Variants in ST8SIA6 observed in about 807,000 individuals in gnomAD.
The protein encoded by ST8SIA6 is alpha-2,8-sialyltransferase 8F.
ST8SIA6 carries 39 observed loss-of-function variants against 33.6 expected under a neutral mutation model. The observed-to-expected ratio is 1.16, with a 90% CI of 0.90 to 1.52. The LOEUF is 1.52. ST8SIA6 is among the 40% of genes most tolerant of loss of function. The probability of loss-of-function intolerance (pLI) is 0.00; values close to 1 mark genes in which losing one functional copy is unlikely to be tolerated. For missense variants in ST8SIA6, 441 were observed against 443.8 expected (o/e 0.99, Z 0.06); for synonymous variants, 172 against 167.2 (o/e 1.03, Z -0.22).
intron 2 of ST8SIA6, among the ~76,000 whole-genome samples, chr10:17,404,160 CAT>C (rs973308701): frequency 5.3e-5 from 8 of 151,284 alleles, no homozygotes; most frequent in South Asian, 2.1e-4. Context: ...GAAGTTTACA[CAT>C]GTGTCATCTC....
At chr10:17,394,528 G>T (rs1269349408) in intron 2 of ST8SIA6, among the ~76,000 whole-genome samples, 2 of 152,124 alleles carry the variant, frequency 1.3e-5, no homozygotes, top group Non-Finnish European at 2.9e-5. Context: ...GAGGTAGGAA[G>T]CATCTCACAC....
At chr10:17,382,637 T>A (rs947649612) in intron 3 of ST8SIA6, among the ~76,000 whole-genome samples, 25 of 152,172 alleles carry the variant, frequency 1.6e-4, no homozygotes, top group African/African-American at 6.0e-4. Flanking sequence ...GAAAAGGACA[T>A]CAAGTCCTGC....
chr10:17,333,181 C>A (rs1369639748), intron 4 of ST8SIA6, among the ~76,000 whole-genome samples: 1 of 152,034 alleles, frequency 6.6e-6, no homozygotes, highest in South Asian at 2.1e-4. Flanking sequence ...ATATAGCTTA[C>A]AAGGAATGTG....
intron 2 of ST8SIA6, among the ~76,000 whole-genome samples, chr10:17,401,029 C>A (rs1851018785): frequency 6.6e-6 from 1 of 152,136 alleles, no homozygotes; most frequent in South Asian, 2.1e-4. Context: ...ATCTAGAAAA[C>A]CCCATCGTCT....
intron 6 of ST8SIA6, 72 bp from the exon 7 acceptor site, chr10:17,323,229 G>GCACACACA (rs1554783533): frequency 2.5e-5 from 20 of 794,406 alleles, no homozygotes; most frequent in South Asian, 8.5e-5. Context: ...ACATATGCGC[G>GCACACACA]CACACACACA....
chr10:17,335,115 C>T (rs1198440338), intron 4 of ST8SIA6, among the ~76,000 whole-genome samples: 1 of 152,186 alleles, frequency 6.6e-6, no homozygotes, highest in South Asian at 2.1e-4. Context: ...GCAGAGTTTA[C>T]AGAATTTTCT....
At chr10:17,339,727 T>C (rs1043721828) in intron 4 of ST8SIA6, among the ~76,000 whole-genome samples, 1 of 152,122 alleles carries the variant, frequency 6.6e-6, no homozygotes, top group Admixed American at 6.5e-5. Context: ...ATATTTTACA[T>C]AGATTATTTC....
At chr10:17,400,754 AAATT>A (rs1281580856) in intron 2 of ST8SIA6, among the ~76,000 whole-genome samples, 1 of 152,232 alleles carries the variant, frequency 6.6e-6, no homozygotes, top group Non-Finnish European at 1.5e-5. Flanking sequence ...ATATCTCAAT[AAATT>A]AGGTATAGAT....
At chr10:17,331,069 C>A (rs1208270363) in intron 5 of ST8SIA6, among the ~76,000 whole-genome samples, 1 of 152,146 alleles carries the variant, frequency 6.6e-6, no homozygotes, top group African/African-American at 2.4e-5. Flanking sequence ...GTCACCATAA[C>A]TGACAATTGG....
At chr10:17,378,355 TG>T (rs2131640410) in intron 3 of ST8SIA6, among the ~76,000 whole-genome samples, 1 of 152,318 alleles carries the variant, frequency 6.6e-6, no homozygotes, top group East Asian at 1.9e-4. Flanking sequence ...TGAGAACTTT[TG>T]TCACTTTGGA....
intron 4 of ST8SIA6, among the ~76,000 whole-genome samples, chr10:17,344,720 T>A (rs11596029): frequency 8.5e-5 from 13 of 152,058 alleles, no homozygotes; most frequent in Non-Finnish European, 1.9e-4. Context: ...CCAGCTATAT[T>A]CATAAGAAAG....
chr10:17,444,889 T>C (rs990018416), intron 2 of ST8SIA6, among the ~76,000 whole-genome samples: 1 of 152,194 alleles, frequency 6.6e-6, no homozygotes, highest in Admixed American at 6.5e-5. Context: ...GAATGCAAGA[T>C]TTAAGCCCAT....
chr10:17,380,634 G>C (rs1850099640), intron 3 of ST8SIA6, among the ~76,000 whole-genome samples: 1 of 152,220 alleles, frequency 6.6e-6, no homozygotes, highest in South Asian at 2.1e-4. Context: ...TGAAATAGCA[G>C]CATTTTGTCC....
At chr10:17,418,118 G>A (rs1348739505) in intron 2 of ST8SIA6, among the ~76,000 whole-genome samples, 1 of 152,216 alleles carries the variant, frequency 6.6e-6, no homozygotes, top group Non-Finnish European at 1.5e-5. Flanking sequence ...GAGTACAGTA[G>A]TGCGATCAAA....
intron 3 of ST8SIA6, among the ~76,000 whole-genome samples, chr10:17,378,323 C>T (rs1453865153): frequency 6.6e-6 from 1 of 152,142 alleles, no homozygotes; most frequent in Admixed American, 6.5e-5. Context: ...CAAAAACACA[C>T]AGCTATTTGT....
chr10:17,385,475 G>T (rs183772325), intron 3 of ST8SIA6, among the ~76,000 whole-genome samples: 55 of 151,600 alleles, frequency 3.6e-4, no homozygotes, highest in Non-Finnish European at 2.2e-4. Context: ...GTCGGAAAAA[G>T]GAGTCAGCAA....
At chr10:17,345,433 A>G (rs1192367664) in intron 4 of ST8SIA6, among the ~76,000 whole-genome samples, 2 of 152,218 alleles carry the variant, frequency 1.3e-5, no homozygotes. Flanking sequence ...CACCCAAAGT[A>G]TGGGGACTCA....
In ST8SIA6 at chr10:17,320,995, A is replaced by C. The variant is rs377440716; in HGVS notation, c.1080T>G (p.Tyr360Ter). The C allele has an allele frequency of 6.2e-7, 1 of 1,614,102 alleles. No individual in the cohort carries two copies. Among genetic ancestry groups the C allele is most frequent in the East Asian group, 2.2e-5 (1 of 44,876 alleles). The change falls in exon 8 of 8, where the codon TAT becomes TAG. Residue 360 changes from tyrosine to a stop codon, truncating the protein, a stop_gained. Transcript: ENST00000377602. LOFTEE classifies it high-confidence loss of function. ...VEDIPVSHHY[Y>*]DNKLPKHGFH... ...AACCATGTTTAGGTAGCTTGTTGTC[A>C]TAATAGTGATGGCTGACAGGTATGT...
chr10:17,404,317 G>A (rs561901596), intron 2 of ST8SIA6, among the ~76,000 whole-genome samples: 8 of 152,194 alleles, frequency 5.3e-5, no homozygotes, highest in Admixed American at 3.9e-4. Context: ...GAACTCAGAC[G>A]TTACGCCATT....
Sources: allele counts gnomAD v4.1 joint callset (sites outside exome capture counted in the v4.1 genomes callset), GRCh38; gene constraint gnomAD v4.1.1; transcripts MANE v1.5; gene names NCBI Gene and HGNC (gene_info 2026-07-23, HGNC 2026-07-21).